RLF: variants seen among roughly 807,000 people sequenced by gnomAD.
RLF encodes RLF zinc finger.
RLF carries 7 observed loss-of-function variants against 162.9 expected under a neutral mutation model. That is an observed-to-expected ratio of 0.04 (90% CI 0.02 to 0.08). The LOEUF (loss-of-function observed/expected upper bound fraction) is 0.08, where lower values mean the gene tolerates loss of function less well. RLF is among the 10% of genes least tolerant of loss of function. The pLI is 1.00. For missense variants in RLF, 1,664 were observed against 2,244.7 expected (o/e 0.74, Z 5.23); for synonymous variants, 782 against 791.5 (o/e 0.99, Z 0.20).
At position 40,195,703 on chromosome 1, in the gene RLF, G is replaced by A; in HGVS notation, c.546G>A (p.Gly182=). ...LQILVHVTKE[G]VWKNPVLLKI... The stretch of plus-strand genomic sequence containing the variant: ...TATTGGTTCATGTTACCAAGGAAGG[G>A]GTGTGGAAAAACCCAGTTCTTCTTA... The change falls in exon 4 of 8, where the codon GGG becomes GGA. Residue 182 remains glycine, a synonymous_variant. Coordinates refer to ENST00000372771, the MANE Select transcript of RLF (RefSeq NM_012421.4). 3.7e-6 allele frequency: 6 copies of A among 1,613,576 alleles called. No individual in the cohort carries two copies. Among genetic ancestry groups the A allele is most frequent in the South Asian group, 1.1e-5 (1 of 91,038 alleles).
At chr1:40,177,500 A>ACTATGATAGGCCAGGATGATAG (rs1642343934) in intron 1 of RLF, among the ~76,000 whole-genome samples, 2 of 151,614 alleles carry the variant, frequency 1.3e-5, no homozygotes, top group Admixed American at 1.3e-4. Context: ...TCATGGTGTT[A>ACTATGATAGGCCAGGATGATAG]GCCAGGATGG....
intron 4 of RLF, among the ~76,000 whole-genome samples, chr1:40,198,391 G>A (rs1434237871): frequency 5.5e-5 from 8 of 144,490 alleles, no homozygotes; most frequent in African/African-American, 7.7e-5. Context: ...TGCAACCTCC[G>A]CCTCCTGGGT....
Position 40,222,624 on chromosome 1 carries a change from A to C in RLF, c.861A>C (p.Glu287Asp). ...TACTAGACATCATTTGTAATCTGGA[A>C]TCTGAGGGGCAGGATAACACAGCAT... ...KEVLDIICNL[E>D]SEGQDNTAFV... The change falls in exon 6 of 8, where the codon GAA (glutamate) becomes GAC (aspartate). Residue 287 changes from glutamate (E) to aspartate (D), a missense_variant. Physicochemically the swap from Glu to Asp is conservative, Grantham distance 45 (BLOSUM62 2). This residue lies in a region of RLF where 287 missense variants were observed against 404.9 expected (regional missense o/e 0.71). Transcript: ENST00000372771. 1 of 1,613,656 alleles carries C rather than the reference A, an allele frequency of 6.2e-7. No individual in the cohort carries two copies. The highest frequency in any genetic ancestry group is 1.3e-5 in the African/African-American group (1 of 75,034).
intron 3 of RLF, among the ~76,000 whole-genome samples, chr1:40,191,660 T>G (rs999821646): frequency 2.0e-5 from 3 of 152,108 alleles, no homozygotes; most frequent in African/African-American, 7.2e-5. Context: ...GAGGCTGCAG[T>G]GAGATATGAT....
At chr1:40,216,057 C>T (rs895614077) in intron 5 of RLF, among the ~76,000 whole-genome samples, 1 of 150,666 alleles carries the variant, frequency 6.6e-6, no homozygotes, top group African/African-American at 2.5e-5. Flanking sequence ...AAAGAGAATA[C>T]TCAAATCAGG....
At chr1:40,170,604 G>C (rs1456837829) in intron 1 of RLF, among the ~76,000 whole-genome samples, 1 of 152,042 alleles carries the variant, frequency 6.6e-6, no homozygotes, top group South Asian at 2.1e-4. Flanking sequence ...GTTGGTTCTC[G>C]CTATTTGCAG....
At chr1:40,226,003 A>AT (rs987320443) in intron 6 of RLF, among the ~76,000 whole-genome samples, 4 of 151,920 alleles carry the variant, frequency 2.6e-5, no homozygotes, top group African/African-American at 9.7e-5. Flanking sequence ...ATGAGCCAAG[A>AT]TCACACTGCA....
chr1:40,228,715 G>A (rs1251772069), intron 6 of RLF, among the ~76,000 whole-genome samples: 1 of 134,670 alleles, frequency 7.4e-6, no homozygotes. Context: ...TTGAACTCCT[G>A]GGCTCAAGTG....
rs778038772 is a variant in RLF, at chr1:40,238,386, T to C, written c.3684T>C (p.Ser1228=). 1.9e-6 allele frequency: 3 copies of C among 1,614,206 alleles called. No homozygotes were observed. In the East Asian group the frequency reaches 6.7e-5, roughly 36 times the overall value. Residue 1228 remains serine (S), a synonymous_variant, in exon 8 of 8, where the codon TCT becomes TCC. Coordinates refer to ENST00000372771, the MANE Select transcript of RLF (RefSeq NM_012421.4). This position sits in a 1 kb window ranked among gnomAD's most constrained non-coding sequence, Gnocchi z 5.2. ...CSVDRLKGDC[S]AELGGDPSSN... is the part of the protein sequence containing the mutation. The stretch of plus-strand genomic sequence containing the variant: ...TAGATAGGTTGAAAGGTGATTGTTC[T>C]GCAGAACTTGGAGGTGATCCCAGTA...
chr1:40,236,569 G>C lies in RLF; in HGVS notation c.1867G>C (p.Gly623Arg). ...CTCTAAAAAGAAATTACTGTTAAAA[G>C]GCTCTCAAAAGGGTATTTGTCCTAA... Reference protein sequence around the residue: ...DRSKKKLLLKGSQKGICPKSP... With the variant: ...DRSKKKLLLKRSQKGICPKSP... Residue 623 changes from glycine (G) to arginine (R), a missense_variant, in exon 8 of 8, where the codon GGC (glycine) becomes CGC (arginine). By Grantham distance (125) the Gly-to-Arg change is moderately radical (BLOSUM62 -2). Around this residue, in one of 15 missense-constraint regions of RLF, gnomAD observed 50 missense variants for 46.7 expected, o/e 1.07. Transcript: ENST00000372771. The surrounding 1 kb of genome is among the most constrained non-coding windows in gnomAD (Gnocchi z 7.7). The C allele has an allele frequency of 6.2e-7, 1 of 1,614,100 alleles. No individual in the cohort carries two copies. Among genetic ancestry groups the C allele is most frequent in the African/African-American group, 1.3e-5 (1 of 75,012 alleles).
Position 40,239,125 on chromosome 1 carries a change from G to A in RLF, c.4423G>A (p.Asp1475Asn). 6.2e-7 allele frequency: 1 copy of A among 1,614,116 alleles called. No homozygotes were observed. The highest frequency in any genetic ancestry group is 1.1e-5 in the South Asian group (1 of 91,076). ...TTACCGACATAAAGACTATTATGAT[G>A]ATTTGTTTAGAAGCCAGAAAGTAGC... ...VYYRHKDYYD[D>N]LFRSQKVANE... The change falls in exon 8 of 8, where the codon GAT becomes AAT. Residue 1475 changes from aspartate (D) to asparagine (N), a missense_variant. Asp to Asn is a conservative substitution (Grantham distance 23, BLOSUM62 1). Around this residue, in one of 15 missense-constraint regions of RLF, gnomAD observed 200 missense variants for 207.3 expected, o/e 0.96. Transcript: ENST00000372771.
chr1:40,210,849 G>A (rs1410995493), intron 5 of RLF, among the ~76,000 whole-genome samples: 4 of 152,124 alleles, frequency 2.6e-5, no homozygotes, highest in African/African-American at 9.7e-5. Flanking sequence ...GGGAGAGTCT[G>A]GGAAGATGAT....
chr1:40,216,273 A>G (rs947350336), intron 5 of RLF, among the ~76,000 whole-genome samples: 2 of 152,204 alleles, frequency 1.3e-5, no homozygotes, highest in African/African-American at 2.4e-5. Context: ...ACATGAGGCC[A>G]GAAGTTTGAG....
In RLF at chr1:40,225,578, C is replaced by CAAAAAAAAAAAAAA. The variant is rs537934926; in HGVS notation, c.947+2872_947+2885dup. 5.2e-4 allele frequency among the ~76,000 whole-genome samples: 43 copies of CAAAAAAAAAAAAAA among 83,054 alleles called. 1 individual carries two copies. The highest frequency in any genetic ancestry group is 2.3e-3 in the African/African-American group (43 of 18,778). The allele number at this position is 83,054 out of a possible 152,430, so 54.5% of individuals were successfully genotyped here. A position where few individuals can be genotyped will look rare whatever the true frequency, so the allele number is the denominator to read the frequency against. ...TGGGTGACAGAGCAAGACTCTGTCT[C>CAAAAAAAAAAAAAA]AAAAAAAAAAAAAAAAAGCCGGGCG... On this transcript the variant is annotated intron_variant, in intron 6 of 7. Transcript: ENST00000372771.
rs185064724 is a variant in RLF at position 40,231,882 on chromosome 1, G to A, written c.1089+224G>A. Among the ~76,000 whole-genome samples, 969 of 152,242 alleles carry A rather than the reference G, an allele frequency of 6.4e-3. 3 individuals are homozygous for A. The highest frequency in any genetic ancestry group is 0.01 in the Non-Finnish European group (707 of 68,022). On this transcript the variant is annotated intron_variant, in intron 7 of 7. Coordinates refer to ENST00000372771, the MANE Select transcript of RLF (RefSeq NM_012421.4). ...TAGGTGATATTTATTTCTAATTACTGTGAATGAAGTTGTGTCTCCTGTCAC... is the reference window on the plus strand; with the variant it reads ...TAGGTGATATTTATTTCTAATTACTATGAATGAAGTTGTGTCTCCTGTCAC...
intron 1 of RLF, among the ~76,000 whole-genome samples, chr1:40,162,269 C>T (rs913872561): frequency 1.3e-5 from 2 of 151,142 alleles, no homozygotes; most frequent in Non-Finnish European, 2.9e-5. Flanking sequence ...AAGGCTGACT[C>T]TTTGAGTAGA....
intron 3 of RLF, among the ~76,000 whole-genome samples, chr1:40,192,131 C>G (rs1303723887): frequency 6.6e-6 from 1 of 152,162 alleles, no homozygotes; most frequent in South Asian, 2.1e-4. Context: ...TGTTCTTGGC[C>G]TATTTAAAGC....
At position 40,236,572 on chromosome 1, in the gene RLF, T is replaced by C. The variant is rs963020297; in HGVS notation, c.1870T>C (p.Ser624Pro). The C allele has an allele frequency of 9.9e-6, 16 of 1,613,966 alleles. No individual in the cohort carries two copies. The African/African-American group carries it at 1.9e-4, about 19-fold the overall frequency. ...TAAAAAGAAATTACTGTTAAAAGGC[T>C]CTCAAAAGGGTATTTGTCCTAAGAG... ...RSKKKLLLKG[S>P]QKGICPKSPS... The change falls in exon 8 of 8, where the codon TCT becomes CCT. Residue 624 changes from serine (S) to proline (P), a missense_variant. By Grantham distance (74) the Ser-to-Pro change is moderately conservative. Transcript: ENST00000372771. The surrounding 1 kb of genome is among the most constrained non-coding windows in gnomAD (Gnocchi z 7.7).
At chr1:40,191,177 T>C (rs192804089) in intron 3 of RLF, among the ~76,000 whole-genome samples, 6 of 152,370 alleles carry the variant, frequency 3.9e-5, no homozygotes, top group African/African-American at 1.4e-4. Flanking sequence ...TACTTATTGG[T>C]AACCTTCAAT....
Sources: gnomAD v4.1 joint callset for allele counts (sites outside exome capture counted in the v4.1 genomes callset) on GRCh38, gnomAD v4.1.1 for gene constraint, gnomAD v4.1.1 regional missense constraint, Gnocchi (gnomAD v3.1) non-coding constraint, MANE v1.5 for transcripts, NCBI Gene and HGNC (gene_info 2026-07-23, HGNC 2026-07-21) for gene names.